Variants in LDAH observed in about 807,000 individuals in gnomAD.
LDAH encodes the protein lipid droplet associated hydrolase, also known as lipid droplet-associated hydrolase.
A neutral mutation model predicts 29.6 loss-of-function variants in LDAH; 26 were observed. The ratio of observed to expected loss-of-function variants is 0.88; its 90% CI spans 0.64 to 1.22. The LOEUF is 1.22. Among genes scored for constraint, LDAH ranks in the 50% most tolerant of loss-of-function variants. The pLI is 0.00. For synonymous variants in LDAH, 117 were observed against 133.0 expected (o/e 0.88, Z 0.83); for missense variants, 344 against 387.3 (o/e 0.89, Z 0.94).
At chr2:20,734,609 C>T (rs1452666846) in intron 5 of LDAH, among the ~76,000 whole-genome samples, 1 of 152,148 alleles carries the variant, frequency 6.6e-6, no homozygotes, top group East Asian at 1.9e-4. Context: ...TAAATATTTC[C>T]TCTGTGTATG....
intron 1 of LDAH, among the ~76,000 whole-genome samples, chr2:20,803,983 T>C (rs937904965): frequency 6.6e-6 from 1 of 152,216 alleles, no homozygotes; most frequent in Non-Finnish European, 1.5e-5. Flanking sequence ...TCCCTCATTA[T>C]ACACAGCTCA....
rs1472487831 is a variant in LDAH at position 20,790,367 on chromosome 2, T to C, written c.186A>G (p.Pro62=). 17 of 1,613,874 alleles carry C rather than the reference T, an allele frequency of 1.1e-5. No individual in the cohort carries two copies. Among genetic ancestry groups the C allele is most frequent in the Admixed American group, 1.7e-5 (1 of 59,960 alleles). The part of the protein sequence containing the change: ...GNPGFSAFYV[P]FAKALYSLTN... ...TCAAAGAGTATAAAGCCTTTGCAAA[T>C]GGCACATAAAAGGCAGAAAAACCTG... Residue 62 remains proline (P), a synonymous_variant, in exon 3 of 7, where the codon CCA becomes CCG. Transcript: ENST00000237822.
intron 5 of LDAH, among the ~76,000 whole-genome samples, chr2:20,738,566 C>T (rs1572515325): frequency 1.3e-5 from 2 of 152,060 alleles, no homozygotes; most frequent in African/African-American, 4.8e-5. Context: ...GATCGGGACC[C>T]CTTTCCTTAA....
intron 5 of LDAH, 122 bp downstream of exon 5, chr2:20,739,849 T>C (rs1558430192): frequency 1.5e-6 from 1 of 647,206 alleles, no homozygotes; most frequent in Non-Finnish European, 2.5e-6. Flanking sequence ...TTTAAACTTT[T>C]GGAAGAGGAA....
chr2:20,695,124 A>G (rs1420217061), intron 6 of LDAH, among the ~76,000 whole-genome samples: 1 of 152,264 alleles, frequency 6.6e-6, no homozygotes, highest in East Asian at 1.9e-4. Context: ...CTGGACTAGA[A>G]TAATGGGCCC....
At chr2:20,692,981 G>C (rs1411659478) in intron 6 of LDAH, among the ~76,000 whole-genome samples, 1 of 152,198 alleles carries the variant, frequency 6.6e-6, no homozygotes, top group African/African-American at 2.4e-5. Context: ...GAAGAGCGTA[G>C]TGCAGTGAGT....
At chr2:20,695,912 T>G (rs1663433067) in intron 6 of LDAH, among the ~76,000 whole-genome samples, 1 of 152,154 alleles carries the variant, frequency 6.6e-6, no homozygotes, top group Non-Finnish European at 1.5e-5. Context: ...GGATTTGGTG[T>G]TTGAAGCTTG....
At chr2:20,712,607 T>C (rs919237688) in intron 5 of LDAH, among the ~76,000 whole-genome samples, 1 of 152,118 alleles carries the variant, frequency 6.6e-6, no homozygotes, top group African/African-American at 2.4e-5. Context: ...AGGAGGATGT[T>C]CAAACCCATC....
chr2:20,740,312 T>A, intron 4 of LDAH, 107 bp from the exon 5 acceptor site: 3 of 755,346 alleles, frequency 4.0e-6, no homozygotes, highest in Non-Finnish European at 4.4e-6. Flanking sequence ...TTAGAATGAC[T>A]AGAGATCTCT....
chr2:20,704,612 G>T (rs1198701120), intron 5 of LDAH, among the ~76,000 whole-genome samples: 2 of 152,170 alleles, frequency 1.3e-5, no homozygotes, highest in African/African-American at 4.8e-5. Flanking sequence ...GTATGGTACA[G>T]ATTTATTTGA....
At position 20,804,673 on chromosome 2, in the gene LDAH, CTT is replaced by C. The variant is rs377351045; in HGVS notation, c.-2-3210_-2-3209del. Among the ~76,000 whole-genome samples, 1,073 of 152,204 alleles carry C rather than the reference CTT, an allele frequency of 7.0e-3. 15 individuals are homozygous for C. The highest frequency in any genetic ancestry group is 0.025 in the African/African-American group (1,023 of 41,534). ...GATGTTATATTGCCTCTTTCATTCT[CTT>C]TGTTTATTCCTTTATTGTTTATTCT... On this transcript the variant is annotated intron_variant, in intron 1 of 6. Coordinates refer to ENST00000237822, the MANE Select transcript of LDAH (RefSeq NM_021925.4).
At chr2:20,766,433 A>G (rs1296033867) in intron 4 of LDAH, among the ~76,000 whole-genome samples, 2 of 152,208 alleles carry the variant, frequency 1.3e-5, no homozygotes, top group African/African-American at 4.8e-5. Context: ...ATCCTCTGCC[A>G]TGGGACTTGA....
At chr2:20,717,032 G>C (rs1438759968) in intron 5 of LDAH, among the ~76,000 whole-genome samples, 1 of 152,060 alleles carries the variant, frequency 6.6e-6, no homozygotes, top group African/African-American at 2.4e-5. Context: ...AAATGATGAT[G>C]GGTCAACTGG....
At chr2:20,682,682 T>C (rs371006616), downstream of LDAH, among the ~76,000 whole-genome samples, 8 of 152,256 alleles carry the variant, frequency 5.3e-5, no homozygotes, top group South Asian at 1.7e-3. Context: ...CATTAATCCA[T>C]TCAGGAAGGA....
chr2:20,766,686 AATT>A (rs1669061133), intron 4 of LDAH, among the ~76,000 whole-genome samples: 1 of 152,216 alleles, frequency 6.6e-6, no homozygotes, highest in African/African-American at 2.4e-5. Flanking sequence ...TAGTTTGGAA[AATT>A]ATTATATCTT....
chr2:20,792,441 G>A (rs902064840), intron 2 of LDAH, among the ~76,000 whole-genome samples: 5 of 152,124 alleles, frequency 3.3e-5, no homozygotes, highest in African/African-American at 9.7e-5. Flanking sequence ...TATGGTAAGT[G>A]CTAAATAAAT....
chr2:20,704,632 CA>C (rs1373842341), intron 5 of LDAH, among the ~76,000 whole-genome samples: 1 of 152,092 alleles, frequency 6.6e-6, no homozygotes, highest in African/African-American at 2.4e-5. Context: ...AAAAGATAAA[CA>C]ATAAAATAAT....
intron 6 of LDAH, among the ~76,000 whole-genome samples, chr2:20,689,441 C>T (rs1662828800): frequency 6.6e-6 from 1 of 152,190 alleles, no homozygotes; most frequent in African/African-American, 2.4e-5. Flanking sequence ...CCTAGTTCTT[C>T]CTCCTGGTCT....
At chr2:20,786,519 T>C (rs1670565241) in intron 3 of LDAH, among the ~76,000 whole-genome samples, 1 of 152,196 alleles carries the variant, frequency 6.6e-6, no homozygotes, top group South Asian at 2.1e-4. Context: ...TCTGTAGCTA[T>C]AGGTATCAGA....
Sources: allele counts gnomAD v4.1 joint callset (sites outside exome capture counted in the v4.1 genomes callset), GRCh38; gene constraint gnomAD v4.1.1; transcripts MANE v1.5; gene names NCBI Gene and HGNC (gene_info 2026-07-23, HGNC 2026-07-21).